RAG1: variants seen among roughly 807,000 people sequenced by gnomAD.
RAG1 encodes recombination activating 1, also known as V(D)J recombination-activating protein 1.
Under a neutral mutation model 62.7 loss-of-function variants are expected in RAG1, and 35 were observed. The ratio of observed to expected loss-of-function variants is 0.56; its 90% CI spans 0.43 to 0.74. The LOEUF is 0.74. RAG1 is among the 30% of genes least tolerant of loss of function. The pLI is 0.00. For missense variants in RAG1, 1,169 were observed against 1,278.6 expected, an observed-to-expected ratio of 0.91 and a Z score of 1.31; for synonymous variants, 461 against 470.3, an observed-to-expected ratio of 0.98 and a Z score of 0.26.
Position 36,573,649 on chromosome 11 carries a change from G to A in RAG1, c.345G>A (p.Gly115=). The A allele has an allele frequency of 6.2e-7, 1 of 1,614,162 alleles. No individual in the cohort carries two copies. Among genetic ancestry groups the A allele is most frequent in the Non-Finnish European group, 8.5e-7 (1 of 1,180,032 alleles). ...ANLRHLCRIC[G]NSFRADEHNR... ...TTCGACATCTCTGCCGCATCTGTGG[G>A]AATTCTTTTAGAGCTGATGAGCACA... is the stretch of plus-strand genomic sequence containing the variant. The change falls in exon 2 of 2, where the codon GGG becomes GGA. Residue 115 remains glycine, a synonymous_variant. Coordinates refer to ENST00000299440, the MANE Select transcript of RAG1 (RefSeq NM_000448.3).
intron 3 of RAG1, among the ~76,000 whole-genome samples, chr11:36,546,484 A>G (rs1289565195): frequency 1.3e-5 from 2 of 152,198 alleles, no homozygotes; most frequent in South Asian, 4.2e-4. Context: ...TGCACATGAG[A>G]TGGGTCTCCT....
chr11:36,544,302 G>A (rs1017124771), intron 3 of RAG1, among the ~76,000 whole-genome samples: 1 of 152,078 alleles, frequency 6.6e-6, no homozygotes, highest in South Asian at 2.1e-4. Flanking sequence ...AACATAGAAG[G>A]GTCGACAAGG....
intron 2 of RAG1, among the ~76,000 whole-genome samples, chr11:36,525,257 T>C (rs1860142548): frequency 6.6e-6 from 1 of 152,224 alleles, no homozygotes; most frequent in South Asian, 2.1e-4. Flanking sequence ...CATTGATTTT[T>C]ATGTCTATCC....
chr11:36,518,059 G>A (rs1009186695), intron 1 of RAG1, among the ~76,000 whole-genome samples: 1 of 137,814 alleles, frequency 7.3e-6, no homozygotes, highest in African/African-American at 2.7e-5. Context: ...TCATTGTTCA[G>A]TTCCCACCTA....
At chr11:36,511,019 A>T (rs1354616905) in exon 1 of RAG1, 1 of 152,136 alleles carries the variant, frequency 6.6e-6, no homozygotes, top group East Asian at 1.9e-4. Context: ...GGTTTTTCCT[A>T]CAATAAATGT....
upstream of RAG1, among the ~76,000 whole-genome samples, chr11:36,563,669 C>T (rs11033696): frequency 0.15 from 23,117 of 152,058 alleles, 1,866 homozygotes; most frequent in Admixed American, 0.2. Context: ...CAATTGTTCT[C>T]ATTATATATA....
intron 3 of RAG1, among the ~76,000 whole-genome samples, chr11:36,558,724 C>T (rs891943761): frequency 2.0e-5 from 3 of 152,178 alleles, no homozygotes; most frequent in African/African-American, 4.8e-5. Flanking sequence ...GTCCATTCAA[C>T]AGTCTATCTC....
chr11:36,545,803 T>C (rs1278469849), intron 3 of RAG1, among the ~76,000 whole-genome samples: 1 of 152,238 alleles, frequency 6.6e-6, no homozygotes, highest in African/African-American at 2.4e-5. Context: ...GTTGTGTCTT[T>C]GTTCTCATTG....
At chr11:36,527,730 T>G (rs1489461696) in intron 2 of RAG1, among the ~76,000 whole-genome samples, 3 of 152,300 alleles carry the variant, frequency 2.0e-5, no homozygotes, top group East Asian at 3.9e-4. Flanking sequence ...GGAATGTTTT[T>G]CCATTTGTTT....
upstream of RAG1, chr11:36,567,557 A>G (rs1239346581): frequency 1.3e-5 from 2 of 152,236 alleles, no homozygotes; most frequent in Non-Finnish European, 2.9e-5. Flanking sequence ...TCAAGATAAT[A>G]ATAAAAAAAT....
chr11:36,550,004 C>A (rs1200212878), intron 3 of RAG1, among the ~76,000 whole-genome samples: 2 of 152,128 alleles, frequency 1.3e-5, no homozygotes, highest in African/African-American at 4.8e-5. Context: ...TCTCAGCAAA[C>A]TAACACAGGA....
At chr11:36,519,799 CCCCTCCACG>C (rs1312116935) in intron 1 of RAG1, among the ~76,000 whole-genome samples, 4 of 152,146 alleles carry the variant, frequency 2.6e-5, no homozygotes, top group Middle Eastern at 3.4e-3. Context: ...ATGAACATAA[CCCCTCCACG>C]CCCTCCCACC....
intron 1 of RAG1, among the ~76,000 whole-genome samples, chr11:36,513,221 C>T (rs1859951545): frequency 6.6e-6 from 1 of 152,186 alleles, no homozygotes; most frequent in African/African-American, 2.4e-5. Context: ...TTCCCAGCCT[C>T]CAGAACTAAG....
intron 2 of RAG1, among the ~76,000 whole-genome samples, chr11:36,521,194 C>A (rs1860074363): frequency 6.6e-6 from 1 of 151,888 alleles, no homozygotes; most frequent in African/African-American, 2.4e-5. Context: ...CCTGACCTCA[C>A]ACGATCCGTC....
intron 1 of RAG1, among the ~76,000 whole-genome samples, chr11:36,515,198 G>A (rs756726401): frequency 6.6e-6 from 1 of 152,174 alleles, no homozygotes; most frequent in Non-Finnish European, 1.5e-5. Flanking sequence ...AATCTTTCTT[G>A]TGCCAGAAGC....
At chr11:36,516,447 G>C (rs1211137803) in intron 1 of RAG1, among the ~76,000 whole-genome samples, 1 of 152,172 alleles carries the variant, frequency 6.6e-6, no homozygotes, top group Admixed American at 6.5e-5. Flanking sequence ...TCAGCATCCC[G>C]AGTAGCTGGG....
At chr11:36,533,194 C>T (rs1429537306) in intron 2 of RAG1, among the ~76,000 whole-genome samples, 1 of 152,088 alleles carries the variant, frequency 6.6e-6, no homozygotes, top group African/African-American at 2.4e-5. Flanking sequence ...GTGATGTGAC[C>T]CCATGGTATA....
At chr11:36,517,975 C>T (rs1218218310) in intron 1 of RAG1, among the ~76,000 whole-genome samples, 3 of 146,050 alleles carry the variant, frequency 2.1e-5, no homozygotes, top group Admixed American at 6.8e-5. Context: ...TCTCCTAATG[C>T]TATCCCTCCC....
At chr11:36,571,878 A>C (rs967649625) in intron 1 of RAG1, among the ~76,000 whole-genome samples, 1 of 152,162 alleles carries the variant, frequency 6.6e-6, no homozygotes, top group Non-Finnish European at 1.5e-5. Context: ...TTGACCTCCC[A>C]AAGTGTTGGG....
Sources: gnomAD v4.1 joint callset for allele counts (sites outside exome capture counted in the v4.1 genomes callset) on GRCh38, gnomAD v4.1.1 for gene constraint, MANE v1.5 for transcripts, NCBI Gene and HGNC (gene_info 2026-07-23, HGNC 2026-07-21) for gene names.